Variants in ERI1 observed in about 807,000 individuals in gnomAD.
ERI1 encodes the protein exoribonuclease 1.
A neutral mutation model predicts 39.7 loss-of-function variants in ERI1; 39 were observed. The ratio of observed to expected loss-of-function variants is 0.98; its 90% CI spans 0.76 to 1.28. ERI1 has a LOEUF of 1.28. ERI1 is among the 50% of genes most tolerant of loss of function. The pLI, the probability that ERI1 is intolerant of heterozygous loss-of-function variation, is 0.00. For synonymous variants in ERI1, 204 were observed against 149.6 expected, an observed-to-expected ratio of 1.36 and a Z score of -2.65; for missense variants, 581 against 416.9, an observed-to-expected ratio of 1.39 and a Z score of -3.43.
intron 3 of ERI1, among the ~76,000 whole-genome samples, chr8:9,047,522 G>T (rs4841089): frequency 3.3e-5 from 5 of 151,456 alleles, no homozygotes; most frequent in Non-Finnish European, 7.4e-5. Context: ...AAAAAAAAAA[G>T]TTTTTAAAAT....
chr8:9,094,605 T>C (rs558964782), intron 3 of ERI1, among the ~76,000 whole-genome samples: 1 of 152,218 alleles, frequency 6.6e-6, no homozygotes, highest in East Asian at 1.9e-4. Context: ...AAAGACCACA[T>C]CTCCTTTTCT....
At chr8:9,021,515 CTT>C (rs1817890144) in intron 6 of ERI1, among the ~76,000 whole-genome samples, 1 of 152,114 alleles carries the variant, frequency 6.6e-6, no homozygotes, top group African/African-American at 2.4e-5. Flanking sequence ...TTTTAACAGT[CTT>C]TTAAAACTGA....
chr8:9,008,269 A>G, intron 2 of ERI1, 121 bp downstream of exon 2: 1 of 883,630 alleles, frequency 1.1e-6, no homozygotes, highest in Non-Finnish European at 1.6e-6. Flanking sequence ...TCCTATTAAC[A>G]GTTCACAAAA....
At chr8:9,087,435 TG>T (rs58323729) in intron 3 of ERI1, among the ~76,000 whole-genome samples, 13,560 of 77,756 alleles carry the variant, frequency 0.17, 946 homozygotes, top group African/African-American at 0.2. Flanking sequence ...TTTTTTTTTT[TG>T]ATTTTTAGTA....
intron 3 of ERI1, among the ~76,000 whole-genome samples, chr8:9,098,394 G>C (rs1799943882): frequency 6.6e-6 from 1 of 152,178 alleles, no homozygotes; most frequent in South Asian, 2.1e-4. Flanking sequence ...GGTAGCTTGA[G>C]CTGTAATCTC....
chr8:9,043,952 C>G (rs1377666029), intron 3 of ERI1, among the ~76,000 whole-genome samples: 1 of 152,102 alleles, frequency 6.6e-6, no homozygotes, highest in Non-Finnish European at 1.5e-5. Flanking sequence ...TCAAAAGAGG[C>G]CTACGGTGTA....
At chr8:9,014,131 C>T (rs528186536) in intron 3 of ERI1, among the ~76,000 whole-genome samples, 4 of 152,196 alleles carry the variant, frequency 2.6e-5, no homozygotes, top group Non-Finnish European at 5.9e-5. Context: ...ATTGTTTCCT[C>T]TGATTGTTTC....
downstream of ERI1, among the ~76,000 whole-genome samples, chr8:9,033,638 A>G (rs1797739208): frequency 6.6e-6 from 1 of 152,242 alleles, no homozygotes; most frequent in Non-Finnish European, 1.5e-5. Flanking sequence ...GTTTAGTAAG[A>G]ATCTGGTGAT....
intron 3 of ERI1, among the ~76,000 whole-genome samples, chr8:9,098,394 G>A (rs1799943882): frequency 6.6e-6 from 1 of 152,178 alleles, no homozygotes; most frequent in Non-Finnish European, 1.5e-5. Flanking sequence ...GGTAGCTTGA[G>A]CTGTAATCTC....
At chr8:9,077,569 G>C (rs1799246077) in intron 3 of ERI1, among the ~76,000 whole-genome samples, 1 of 152,140 alleles carries the variant, frequency 6.6e-6, no homozygotes, top group Admixed American at 6.6e-5. Flanking sequence ...GGAGACAGAG[G>C]GGCAGAAATG....
chr8:9,014,226 T>C (rs1415895240), intron 3 of ERI1, among the ~76,000 whole-genome samples: 1 of 152,230 alleles, frequency 6.6e-6, no homozygotes, highest in Non-Finnish European at 1.5e-5. Context: ...AGGCATGCTT[T>C]ATCCCATTAC....
At chr8:9,085,497 C>T (rs373867447) in intron 3 of ERI1, among the ~76,000 whole-genome samples, 70 of 152,124 alleles carry the variant, frequency 4.6e-4, no homozygotes, top group African/African-American at 1.4e-3. Context: ...CCTGAGCCAC[C>T]GCGCCCGGCC....
At position 9,029,970 on chromosome 8, in the gene ERI1, G is replaced by A. The variant is rs370716656; in HGVS notation, c.986G>A (p.Ser329Asn). The change falls in exon 7 of 7, where the codon AGT becomes AAT. Residue 329 changes from serine to asparagine, a missense_variant. Transcript: ENST00000250263. The stretch of plus-strand genomic sequence containing the variant: ...AAAATGCATGCAGGACAGCTAATGA[G>A]TGTGTCCTCTTCCTTACCAATAGAG... The part of the protein sequence containing the change: ...NEKMHAGQLM[S>N]VSSSLPIEGT... 1 of 1,614,106 alleles carries A rather than the reference G, an allele frequency of 6.2e-7. No homozygotes were observed. Among genetic ancestry groups the A allele is most frequent in the Admixed American group, 1.7e-5 (1 of 60,020 alleles).
chr8:9,020,602 A>G (rs1353277314), intron 6 of ERI1, 138 bp downstream of exon 6: 2 of 573,752 alleles, frequency 3.5e-6, no homozygotes, highest in East Asian at 6.0e-5. Context: ...TCAGATTCCA[A>G]ATTCCTTATG....
At chr8:9,004,439 G>C in intron 1 of ERI1, 1 of 241,740 alleles carries the variant, frequency 4.1e-6, no homozygotes, top group South Asian at 6.8e-5. Flanking sequence ...TTTAGTGACG[G>C]TAGTAATTGT....
At chr8:9,073,424 G>T (rs1003989578) in intron 3 of ERI1, among the ~76,000 whole-genome samples, 6 of 152,152 alleles carry the variant, frequency 3.9e-5, no homozygotes, top group Admixed American at 3.9e-4. Flanking sequence ...GGGGGTGTCT[G>T]GGGGGAGGTT....
intron 3 of ERI1, among the ~76,000 whole-genome samples, chr8:9,053,842 A>T (rs1055384171): frequency 1.3e-5 from 2 of 152,248 alleles, no homozygotes; most frequent in African/African-American, 4.8e-5. Flanking sequence ...TCTTCTGAAA[A>T]GCAGCCAAGT....
intron 3 of ERI1, among the ~76,000 whole-genome samples, chr8:9,050,793 G>A (rs4841090): frequency 0.26 from 39,665 of 152,054 alleles, 6,329 homozygotes; most frequent in South Asian, 0.38. Flanking sequence ...CCACAACTCC[G>A]GGCCTCTTCC....
intron 3 of ERI1, among the ~76,000 whole-genome samples, chr8:9,083,984 G>A (rs1454596686): frequency 2.6e-5 from 4 of 152,078 alleles, no homozygotes; most frequent in East Asian, 1.9e-4. Context: ...TAGTAGAGAC[G>A]GGGTTTCACC....
Sources: gnomAD v4.1 joint callset for allele counts (sites outside exome capture counted in the v4.1 genomes callset) on GRCh38, gnomAD v4.1.1 for gene constraint, MANE v1.5 for transcripts, NCBI Gene and HGNC (gene_info 2026-07-23, HGNC 2026-07-21) for gene names.